Variants in BANP observed in about 807,000 individuals in gnomAD.
BANP encodes the protein protein BANP.
Under a neutral mutation model 68.1 loss-of-function variants are expected in BANP, and 11 were observed. The ratio of observed to expected loss-of-function variants is 0.16; its 90% CI spans 0.10 to 0.27. The LOEUF (loss-of-function observed/expected upper bound fraction) is 0.27. BANP is among the 10% of genes least tolerant of loss of function. BANP has a pLI of 1.00. For synonymous variants in BANP, 329 were observed against 303.2 expected (o/e 1.09, Z -0.88); for missense variants, 504 against 722.7 (o/e 0.70, Z 3.47).
chr16:88,036,171 C>G lies in BANP; in HGVS notation c.1272+777C>G, dbSNP rs2079301844. 6.6e-6 allele frequency among the ~76,000 whole-genome samples: 1 copy of G among 152,244 alleles called. No homozygotes were observed. The highest frequency in any genetic ancestry group is 1.5e-5 in the Non-Finnish European group (1 of 68,044). On this transcript the variant is annotated intron_variant, in intron 10 of 13. Coordinates refer to ENST00000682872, the MANE Select transcript of BANP (RefSeq NM_001386991.1). The surrounding 1 kb of genome is among the most constrained non-coding windows in gnomAD (Gnocchi z 4.2). ...CTAAGCAGCACACACGTGTTGTACT[C>G]AGTGACCGTGGTGCGCTCTGGGGGA...
chr16:87,983,051 A>G (rs11645100), intron 3 of BANP, among the ~76,000 whole-genome samples: 99,928 of 150,998 alleles, frequency 0.66, 33,741 homozygotes, highest in African/African-American at 0.76. Flanking sequence ...CCTCAGTGCC[A>G]CCCCTGCTGT....
intron 4 of BANP, among the ~76,000 whole-genome samples, chr16:88,001,636 TTATAA>T (rs529363203): frequency 1.2e-3 from 176 of 152,364 alleles, no homozygotes; most frequent in African/African-American, 4.0e-3. Flanking sequence ...TTACAGCATA[TTATAA>T]TATTGATCTT....
chr16:87,976,792 C>T (rs139162478), intron 2 of BANP, among the ~76,000 whole-genome samples: 1 of 152,156 alleles, frequency 6.6e-6, no homozygotes, highest in East Asian at 1.9e-4. Context: ...CAGGGGAACA[C>T]GAAGGCAGCA....
chr16:88,056,941 C>T (rs1438925803), intron 11 of BANP, among the ~76,000 whole-genome samples: 2 of 152,196 alleles, frequency 1.3e-5, no homozygotes, highest in Admixed American at 6.5e-5. Flanking sequence ...CTACGGCTTA[C>T]GTTCACCAGA....
At position 88,071,788 on chromosome 16, in the gene BANP, C is replaced by CT. The variant is rs76138258; in HGVS notation, c.1378-269dup. 0.03 allele frequency: 16,700 copies of CT among 550,992 alleles called. 18 individuals carry two copies. Among genetic ancestry groups the CT allele is most frequent in the Middle Eastern group, 0.044 (160 of 3,602 alleles). 34.1% of individuals were successfully genotyped at this position (550,992 alleles called of 1,614,324 possible). A position where few individuals can be genotyped will look rare whatever the true frequency, so the allele number is the denominator to read the frequency against. Reference sequence around the variant, plus strand: ...CTTTTTCTGTGGAAGCTCTGCCTTGCTTTTTTTTTTTTCCCTTTTTTCTGC... The same window carrying CT: ...CTTTTTCTGTGGAAGCTCTGCCTTGCTTTTTTTTTTTTTCCCTTTTTTCTGC... On this transcript the variant is annotated intron_variant, in intron 12 of 13. Coordinates refer to ENST00000682872, the MANE Select transcript of BANP (RefSeq NM_001386991.1). The surrounding 1 kb of genome is among the most constrained non-coding windows in gnomAD (Gnocchi z 6.5).
At chr16:88,037,026 G>T (rs1271256011) in intron 10 of BANP, among the ~76,000 whole-genome samples, 1 of 152,192 alleles carries the variant, frequency 6.6e-6, no homozygotes, top group African/African-American at 2.4e-5. Context: ...ACAGATGTGG[G>T]CTGGGAGGCT....
chr16:87,956,961 TGTGA>T (rs1453967700), intron 1 of BANP: 1 of 152,348 alleles, frequency 6.6e-6, no homozygotes, highest in African/African-American at 2.4e-5. Flanking sequence ...GGCAGAATCC[TGTGA>T]GTGTCTTTGG....
At chr16:88,009,130 G>A (rs1249306099) in intron 6 of BANP, among the ~76,000 whole-genome samples, 2 of 152,164 alleles carry the variant, frequency 1.3e-5, no homozygotes, top group East Asian at 3.8e-4. Flanking sequence ...CCGTAGTGGC[G>A]TCCTCTCTTC....
chr16:87,988,888 A>C (rs1179811224), intron 4 of BANP, among the ~76,000 whole-genome samples: 2 of 152,214 alleles, frequency 1.3e-5, no homozygotes, highest in African/African-American at 4.8e-5. Context: ...GGCGTCACTA[A>C]GGCCCCCTCT....
chr16:88,031,094 C>T lies in BANP; in HGVS notation c.1064-2015C>T, dbSNP rs1468740063. Among the ~76,000 whole-genome samples, 7 of 152,294 alleles carry T rather than the reference C, an allele frequency of 4.6e-5. No individual in the cohort carries two copies. In the East Asian group the frequency reaches 1.4e-3, roughly 29 times the overall value. On this transcript the variant is annotated intron_variant, in intron 8 of 13. Transcript: ENST00000682872. Reference sequence around the variant, plus strand: ...GGGTGCACAAGGCTTGCTCGAGGACCTGTGGTGGTGAGTGCTCCGTAACTG... The same window carrying T: ...GGGTGCACAAGGCTTGCTCGAGGACTTGTGGTGGTGAGTGCTCCGTAACTG...
chr16:87,997,676 T>C (rs2067656446), intron 4 of BANP, among the ~76,000 whole-genome samples: 2 of 152,108 alleles, frequency 1.3e-5, no homozygotes. Flanking sequence ...AGTGAGACCA[T>C]GTGTTCGTGG....
intron 4 of BANP, among the ~76,000 whole-genome samples, chr16:87,984,900 G>A (rs2064007410): frequency 6.6e-6 from 1 of 152,222 alleles, no homozygotes; most frequent in South Asian, 2.1e-4. Context: ...CCTGCTTGAG[G>A]CAGTGGACAC....
intron 1 of BANP, among the ~76,000 whole-genome samples, chr16:87,970,847 G>A (rs980062263): frequency 4.6e-5 from 7 of 152,030 alleles, no homozygotes; most frequent in Non-Finnish European, 8.8e-5. Context: ...GGGAAACCCC[G>A]TCTCTACTAA....
intron 11 of BANP, among the ~76,000 whole-genome samples, chr16:88,055,858 C>CAG (rs1175658775): frequency 1.7e-4 from 26 of 152,156 alleles, no homozygotes; most frequent in Non-Finnish European, 3.2e-4. Context: ...TGGAGACTCT[C>CAG]AGTGGTTTAG....
intron 4 of BANP, among the ~76,000 whole-genome samples, chr16:87,998,693 C>A (rs976820240): frequency 2.0e-5 from 3 of 148,344 alleles, no homozygotes; most frequent in African/African-American, 7.5e-5. Context: ...GCTGGACTTA[C>A]CTGTCCTTCC....
chr16:87,965,560 A>G (rs1253480758), intron 1 of BANP, among the ~76,000 whole-genome samples: 2 of 144,758 alleles, frequency 1.4e-5, no homozygotes, highest in Admixed American at 6.8e-5. Flanking sequence ...ATCACCCACT[A>G]AGCCCGAGGC....
Position 87,957,522 on chromosome 16 carries a change from C to T in BANP, c.-69+6007C>T, listed in dbSNP as rs2058328571. 6.6e-6 allele frequency among the ~76,000 whole-genome samples: 1 copy of T among 152,220 alleles called. No individual in the cohort carries two copies. Among genetic ancestry groups the T allele is most frequent in the Admixed American group, 6.5e-5 (1 of 15,286 alleles). The stretch of plus-strand genomic sequence containing the variant: ...CGGTTTTGAGGCAAGCTCACGGAGG[C>T]CTGCCGCAGGGCCCTGCGCTGACAA... On this transcript the variant is annotated intron_variant, in intron 1 of 13. Transcript: ENST00000682872. The surrounding 1 kb of genome is among the most constrained non-coding windows in gnomAD (Gnocchi z 4.3).
Position 87,966,631 on chromosome 16 carries a change from C to T in BANP, c.-68-8417C>T, listed in dbSNP as rs193179624. The stretch of plus-strand genomic sequence containing the variant: ...AGGATTCAGGATTTTATGGTGAGTT[C>T]AGAGCATTTTCTGAAGCCACTTGCA... On this transcript the variant is annotated intron_variant, in intron 1 of 13. Transcript: ENST00000682872. The T allele has an allele frequency of 5.3e-5, 8 of 152,318 alleles. No homozygotes were observed. The East Asian group carries it at 9.6e-4, about 18-fold the overall frequency. 9.4% of individuals were successfully genotyped at this position (152,318 alleles called of 1,614,324 possible).
At chr16:87,999,426 ACACGTCTCCATG>A (rs2068462606) in intron 4 of BANP, among the ~76,000 whole-genome samples, 1 of 75,102 alleles carries the variant, frequency 1.3e-5, no homozygotes, top group Admixed American at 1.3e-4. Context: ...AGACACCCAG[ACACGTCTCCATG>A]CACGCACGTG....
Sources: allele counts gnomAD v4.1 joint callset (sites outside exome capture counted in the v4.1 genomes callset), GRCh38; gene constraint gnomAD v4.1.1; non-coding constraint Gnocchi (gnomAD v3.1); transcripts MANE v1.5; gene names NCBI Gene and HGNC (gene_info 2026-07-23, HGNC 2026-07-21).